ADAM12: variants seen among roughly 807,000 people sequenced by gnomAD.
The protein encoded by ADAM12 is disintegrin and metalloproteinase domain-containing protein 12.
In ADAM12, 70 loss-of-function variants were observed where a neutral mutation model predicts 106.4. That is an observed-to-expected ratio of 0.66 (90% confidence interval 0.54 to 0.80). The LOEUF is 0.80. Ranked by LOEUF, ADAM12 falls within the 30% of genes least tolerant of loss-of-function variation. The pLI is 0.00. For missense variants in ADAM12, 1,010 were observed against 1,171.9 expected, an observed-to-expected ratio of 0.86 and a Z score of 2.02; for synonymous variants, 420 against 433.5, an observed-to-expected ratio of 0.97 and a Z score of 0.39.
intron 4 of ADAM12, among the ~76,000 whole-genome samples, chr10:126,143,601 CTG>C (rs35480772): frequency 0.33 from 48,795 of 147,826 alleles, 8,239 homozygotes; most frequent in Non-Finnish European, 0.38. Flanking sequence ...ATGCATGTAT[CTG>C]TATGTATATG....
chr10:126,131,098 T>G (rs1424713234), intron 5 of ADAM12, among the ~76,000 whole-genome samples: 1 of 130,618 alleles, frequency 7.7e-6, no homozygotes, highest in African/African-American at 3.0e-5. Flanking sequence ...GGCTCTCAGC[T>G]GTCTTCTTTT....
At chr10:126,118,989 T>C (rs767123026) in intron 5 of ADAM12, among the ~76,000 whole-genome samples, 1 of 152,230 alleles carries the variant, frequency 6.6e-6, no homozygotes, top group Non-Finnish European at 1.5e-5. Context: ...TTTATCCTGA[T>C]CAGCCCTATT....
chr10:126,377,566 C>T (rs1304269537), intron 1 of ADAM12, among the ~76,000 whole-genome samples: 1 of 152,142 alleles, frequency 6.6e-6, no homozygotes, highest in Non-Finnish European at 1.5e-5. Context: ...CCCACTGACT[C>T]AAATGTTAAT....
chr10:126,329,127 C>CT (rs1451595072), intron 2 of ADAM12, among the ~76,000 whole-genome samples: 1 of 135,796 alleles, frequency 7.4e-6, no homozygotes, highest in Admixed American at 7.5e-5. Context: ...GCAACAAATA[C>CT]TTAAAAAAAA....
At chr10:126,065,856 C>T (rs1402569802) in intron 13 of ADAM12, among the ~76,000 whole-genome samples, 2 of 152,164 alleles carry the variant, frequency 1.3e-5, no homozygotes, top group African/African-American at 2.4e-5. Context: ...CCCCTTCCCC[C>T]GACTCCCTTC....
intron 3 of ADAM12, among the ~76,000 whole-genome samples, chr10:126,274,998 T>C (rs1312406876): frequency 1.3e-5 from 2 of 152,232 alleles, no homozygotes; most frequent in African/African-American, 4.8e-5. Context: ...GGAATCGTTC[T>C]AGGCAAAATA....
intron 3 of ADAM12, among the ~76,000 whole-genome samples, chr10:126,277,307 T>C (rs924490907): frequency 6.6e-6 from 1 of 152,220 alleles, no homozygotes; most frequent in Non-Finnish European, 1.5e-5. Flanking sequence ...TTTGCTTCTC[T>C]ACCTGCAGTC....
intron 18 of ADAM12, chr10:126,041,217 G>T: frequency 2.1e-6 from 1 of 482,526 alleles, no homozygotes. Flanking sequence ...AGTGGCTGGT[G>T]TGTGGCAGAC....
chr10:126,249,345 G>A (rs536008101), intron 3 of ADAM12, among the ~76,000 whole-genome samples: 18 of 152,310 alleles, frequency 1.2e-4, no homozygotes, highest in African/African-American at 4.1e-4. Context: ...TGGTGATGGG[G>A]AGTGCATTTA....
rs992874246 is a variant in ADAM12, at chr10:126,308,628, G to C, written c.186+21784C>G. Among the ~76,000 whole-genome samples the C allele has an allele frequency of 5.3e-5, 8 of 152,266 alleles. No homozygotes were observed. In the East Asian group the frequency reaches 1.4e-3, roughly 26 times the overall value. On this transcript the variant is annotated intron_variant, in intron 2 of 22. Transcript: ENST00000448723. ...AAAATTAACTCAAATCTTAAGTGAT[G>C]TTTTGACTATTTTTTCAAATTGTGA...
At position 126,388,343 on chromosome 10, in the gene ADAM12, TGTGTGTGC is replaced by T. The variant is rs1371350073; in HGVS notation, c.-206_-199del. 1 of 806,870 alleles carries T rather than the reference TGTGTGTGC, an allele frequency of 1.2e-6. No individual in the cohort carries two copies. Among genetic ancestry groups the T allele is most frequent in the East Asian group, 4.2e-5 (1 of 23,688 alleles). 50.0% of individuals were successfully genotyped at this position (806,870 alleles called of 1,614,324 possible). ...TCATTTTTAAAAAAGTTTCCCCCCGTGTGTGTGCGTGCGTGCGCGCGCGCGCGCCGTTC... is the reference window on the plus strand; with the variant it reads ...TCATTTTTAAAAAAGTTTCCCCCCGTGTGCGTGCGCGCGCGCGCGCCGTTC... On this transcript the variant is annotated 5_prime_UTR_variant, in exon 1 of 23. Coordinates refer to ENST00000448723, the MANE Select transcript of ADAM12 (RefSeq NM_001288973.2). The surrounding 1 kb of genome is among the most constrained non-coding windows in gnomAD (Gnocchi z 4.4).
intron 3 of ADAM12, among the ~76,000 whole-genome samples, chr10:126,236,392 C>T (rs144920930): frequency 2.6e-5 from 4 of 152,140 alleles, no homozygotes; most frequent in Non-Finnish European, 4.4e-5. Flanking sequence ...AGCAAACCTG[C>T]GAGCTCAGGC....
intron 2 of ADAM12, among the ~76,000 whole-genome samples, chr10:126,293,139 C>T (rs1009335597): frequency 5.9e-5 from 9 of 152,152 alleles, no homozygotes; most frequent in African/African-American, 1.9e-4. Context: ...CCAAAGTGGG[C>T]GCCATCCAGT....
At chr10:126,265,584 T>C (rs954453781) in intron 3 of ADAM12, among the ~76,000 whole-genome samples, 1 of 152,160 alleles carries the variant, frequency 6.6e-6, no homozygotes, top group Non-Finnish European at 1.5e-5. Flanking sequence ...TCATCCTGCC[T>C]AAAACCAGTA....
At chr10:126,202,099 C>T (rs1401271887) in intron 3 of ADAM12, among the ~76,000 whole-genome samples, 3 of 152,220 alleles carry the variant, frequency 2.0e-5, no homozygotes, top group Non-Finnish European at 4.4e-5. Context: ...AATGCCTTGG[C>T]AATTAAAACT....
intron 3 of ADAM12, among the ~76,000 whole-genome samples, chr10:126,159,265 A>G (rs531972956): frequency 2.3e-4 from 31 of 135,368 alleles, no homozygotes; most frequent in Middle Eastern, 4.5e-3. Flanking sequence ...AGCCGAGATC[A>G]TGCCACTGCA....
chr10:126,036,337 A>G lies in ADAM12; in HGVS notation c.2350-12T>C, dbSNP rs774100796. ...CTCCTGGGATTGTCCTGTACAGTCAAAGTAAAAAGCCATGCTATAGCGGGT... is the reference window on the plus strand; with the variant it reads ...CTCCTGGGATTGTCCTGTACAGTCAGAGTAAAAAGCCATGCTATAGCGGGT... On this transcript the variant is annotated splice_polypyrimidine_tract_variant and intron_variant, in intron 20 of 22. Coordinates refer to ENST00000448723, the MANE Select transcript of ADAM12 (RefSeq NM_001288973.2). The G allele has an allele frequency of 4.7e-5, 73 of 1,565,822 alleles. No homozygotes were observed. The highest frequency in any genetic ancestry group is 6.0e-5 in the Non-Finnish European group (70 of 1,162,284).
At chr10:126,074,237 T>A (rs1468010911) in intron 11 of ADAM12, among the ~76,000 whole-genome samples, 1 of 152,152 alleles carries the variant, frequency 6.6e-6, no homozygotes, top group Admixed American at 6.5e-5. Context: ...CAGGAAGGGT[T>A]TATAGCCAGA....
intron 2 of ADAM12, among the ~76,000 whole-genome samples, chr10:126,305,721 T>C (rs1451263952): frequency 6.6e-6 from 1 of 152,066 alleles, no homozygotes; most frequent in African/African-American, 2.4e-5. Flanking sequence ...ATGGTATATA[T>C]TTTGAAAAAA....
Sources: gnomAD v4.1 joint callset for allele counts (sites outside exome capture counted in the v4.1 genomes callset) on GRCh38, gnomAD v4.1.1 for gene constraint, Gnocchi (gnomAD v3.1) non-coding constraint, MANE v1.5 for transcripts, NCBI Gene and HGNC (gene_info 2026-07-23, HGNC 2026-07-21) for gene names.